HIVEP3: variants seen among roughly 807,000 people sequenced by gnomAD.
HIVEP3 encodes the protein HIVEP zinc finger 3, also known as transcription factor HIVEP3.
In HIVEP3, 49 loss-of-function variants were observed where a neutral mutation model predicts 152.8. The observed-to-expected ratio is 0.32, with a 90% CI of 0.26 to 0.41. HIVEP3 has a LOEUF of 0.41. Among genes scored for constraint, HIVEP3 ranks in the 10% least tolerant of loss-of-function variants. The pLI, the probability that HIVEP3 is intolerant of heterozygous loss-of-function variation, is 1.00. For missense variants in HIVEP3, 2,790 were observed against 3,103.3 expected (o/e 0.90, Z 2.40); for synonymous variants, 1,269 against 1,289.0 (o/e 0.98, Z 0.33).
At chr1:41,644,693 CTTTTTTT>C (rs60511656) in intron 2 of HIVEP3, among the ~76,000 whole-genome samples, 30 of 74,736 alleles carry the variant, frequency 4.0e-4, no homozygotes, top group African/African-American at 1.3e-3. Context: ...CATATCTGTT[CTTTTTTT>C]TTTTTTTTTT....
intron 1 of HIVEP3, among the ~76,000 whole-genome samples, chr1:41,871,433 C>T (rs1409536270): frequency 6.6e-6 from 1 of 151,390 alleles, no homozygotes; most frequent in Non-Finnish European, 1.5e-5. Context: ...CCTGCATATT[C>T]TAAAGTATAT....
intron 1 of HIVEP3, among the ~76,000 whole-genome samples, chr1:41,908,943 A>G (rs982597590): frequency 2.6e-5 from 4 of 152,200 alleles, no homozygotes; most frequent in African/African-American, 9.6e-5. Context: ...AATGAATACC[A>G]AGTATGAGAA....
intron 1 of HIVEP3, among the ~76,000 whole-genome samples, chr1:41,831,219 C>A (rs1642955428): frequency 6.6e-6 from 1 of 152,210 alleles, no homozygotes; most frequent in African/African-American, 2.4e-5. Flanking sequence ...AATCTGCACA[C>A]ACATTCATAG....
At chr1:41,726,682 C>T (rs933430535) in intron 1 of HIVEP3, among the ~76,000 whole-genome samples, 1 of 152,186 alleles carries the variant, frequency 6.6e-6, no homozygotes, top group Admixed American at 6.5e-5. Flanking sequence ...AAGTGCAATA[C>T]TGAGACATCT....
chr1:41,976,912 T>C (rs1645262494), intron 1 of HIVEP3, among the ~76,000 whole-genome samples: 1 of 152,174 alleles, frequency 6.6e-6, no homozygotes, highest in Admixed American at 6.5e-5. Flanking sequence ...GTGGACACCT[T>C]GATTTCAGAC....
At chr1:42,030,660 G>A (rs1201453935) in intron 1 of HIVEP3, among the ~76,000 whole-genome samples, 1 of 152,046 alleles carries the variant, frequency 6.6e-6, no homozygotes, top group Non-Finnish European at 1.5e-5. Context: ...TCGATTATCG[G>A]TTTTCCTCCG....
At chr1:41,755,961 C>A (rs185518803) in intron 1 of HIVEP3, among the ~76,000 whole-genome samples, 9 of 152,294 alleles carry the variant, frequency 5.9e-5, no homozygotes, top group African/African-American at 2.2e-4. Context: ...TAGCATAAGA[C>A]CTGACAGTAA....
At chr1:41,691,037 T>C (rs1422285216) in intron 2 of HIVEP3, among the ~76,000 whole-genome samples, 1 of 152,232 alleles carries the variant, frequency 6.6e-6, no homozygotes, top group Admixed American at 6.5e-5. Flanking sequence ...GACCTCTCTT[T>C]GCCTCGGCTA....
At chr1:41,848,078 G>C (rs1012187886) in intron 1 of HIVEP3, 1 of 152,146 alleles carries the variant, frequency 6.6e-6, no homozygotes, top group Admixed American at 6.5e-5. Flanking sequence ...AGGGAGAAAA[G>C]ATTAATATTT....
At chr1:41,947,168 G>A (rs181089350) in intron 1 of HIVEP3, among the ~76,000 whole-genome samples, 1 of 152,284 alleles carries the variant, frequency 6.6e-6, no homozygotes, top group Admixed American at 6.5e-5. Context: ...TATTTGGCCA[G>A]GAATTAGCCC....
At chr1:41,804,514 C>A (rs969939026) in intron 1 of HIVEP3, among the ~76,000 whole-genome samples, 6 of 152,232 alleles carry the variant, frequency 3.9e-5, no homozygotes, top group Admixed American at 3.9e-4. Flanking sequence ...TATTGAGTGG[C>A]AGAACTGATA....
chr1:41,742,532 T>C (rs1316119432), intron 1 of HIVEP3, among the ~76,000 whole-genome samples: 1 of 152,262 alleles, frequency 6.6e-6, no homozygotes, highest in East Asian at 1.9e-4. Context: ...GTGACTATCT[T>C]TCTCGTGAAT....
Position 41,662,708 on chromosome 1 carries a change from C to T in HIVEP3, c.-720-33761G>A, listed in dbSNP as rs1287726168. Among the ~76,000 whole-genome samples the T allele has an allele frequency of 6.6e-6, 1 of 151,618 alleles. No individual in the cohort carries two copies. Among genetic ancestry groups the T allele is most frequent in the Non-Finnish European group, 1.5e-5 (1 of 67,796 alleles). On this transcript the variant is annotated intron_variant, in intron 2 of 8. Transcript: ENST00000372583. This position sits in a 1 kb window ranked among gnomAD's most constrained non-coding sequence, Gnocchi z 7.2. ...GTGTCACTCCGGGCGCCGCCCCTCCCTCCGCGCCCGCCCCGGCTCCGGCGC... is the reference window on the plus strand; with the variant it reads ...GTGTCACTCCGGGCGCCGCCCCTCCTTCCGCGCCCGCCCCGGCTCCGGCGC...
intron 1 of HIVEP3, among the ~76,000 whole-genome samples, chr1:42,005,843 T>A (rs1465916971): frequency 3.3e-5 from 5 of 152,210 alleles, no homozygotes; most frequent in African/African-American, 1.2e-4. Context: ...AATTTAATAC[T>A]TTTGCTTCTA....
chr1:41,707,110 A>G (rs1304822806), intron 1 of HIVEP3, among the ~76,000 whole-genome samples: 7 of 152,200 alleles, frequency 4.6e-5, no homozygotes, highest in Admixed American at 6.5e-5. Context: ...TGTGCTGGGT[A>G]TATTTCATGC....
chr1:41,971,554 G>A (rs1478174623), intron 1 of HIVEP3, among the ~76,000 whole-genome samples: 2 of 152,180 alleles, frequency 1.3e-5, no homozygotes, highest in African/African-American at 4.8e-5. Flanking sequence ...AGCTGTGTCT[G>A]ATGACAGCTG....
upstream of HIVEP3, among the ~76,000 whole-genome samples, chr1:41,920,013 C>A (rs909212591): frequency 2.0e-5 from 3 of 152,192 alleles, no homozygotes; most frequent in Non-Finnish European, 4.4e-5. Flanking sequence ...ACAGCCCATT[C>A]CCTCCCTTGC....
chr1:41,800,694 T>C (rs1207610066), intron 1 of HIVEP3, among the ~76,000 whole-genome samples: 1 of 152,212 alleles, frequency 6.6e-6, no homozygotes, highest in African/African-American at 2.4e-5. Context: ...AACTCAAATG[T>C]GTCCAGTGAT....
intron 1 of HIVEP3, among the ~76,000 whole-genome samples, chr1:42,012,567 G>A (rs972217468): frequency 6.6e-6 from 1 of 152,168 alleles, no homozygotes; most frequent in African/African-American, 2.4e-5. Context: ...GCAGGCACCT[G>A]TAATCTCAGC....
Sources: allele counts gnomAD v4.1 joint callset (sites outside exome capture counted in the v4.1 genomes callset), GRCh38; gene constraint gnomAD v4.1.1; non-coding constraint Gnocchi (gnomAD v3.1); transcripts MANE v1.5; gene names NCBI Gene and HGNC (gene_info 2026-07-23, HGNC 2026-07-21).